POMK: variants seen among roughly 807,000 people sequenced by gnomAD.
POMK encodes protein O-mannose kinase, also known as Sugen kinase 196.
In POMK, 19 loss-of-function variants were observed where a neutral mutation model predicts 23.0. That is an observed-to-expected ratio of 0.83 (90% CI 0.58 to 1.21). The LOEUF (loss-of-function observed/expected upper bound fraction) is 1.21, where lower values mean the gene tolerates loss of function less well. Ranked by LOEUF, POMK falls within the 50% of genes most tolerant of loss-of-function variation. The pLI is 0.00. For missense variants in POMK, 410 were observed against 431.3 expected, an observed-to-expected ratio of 0.95 and a Z score of 0.44; for synonymous variants, 173 against 171.6, an observed-to-expected ratio of 1.01 and a Z score of -0.06.
chr8:43,094,294 C>T (rs1473145286), intron 1 of POMK, among the ~76,000 whole-genome samples: 2 of 152,116 alleles, frequency 1.3e-5, no homozygotes, highest in African/African-American at 4.8e-5. Context: ...GCCTCTGCCT[C>T]CCAAAGTGCT....
chr8:43,105,223 G>A (rs1811522220), intron 4 of POMK, among the ~76,000 whole-genome samples: 1 of 152,146 alleles, frequency 6.6e-6, no homozygotes, highest in African/African-American at 2.4e-5. Context: ...ATTTGAGAGT[G>A]TATAATATAT....
chr8:43,114,630 A>G (rs1186327802), intron 4 of POMK, among the ~76,000 whole-genome samples: 1 of 152,176 alleles, frequency 6.6e-6, no homozygotes, highest in Non-Finnish European at 1.5e-5. Flanking sequence ...TCCTGCACCC[A>G]CTGTCTGGCA....
At chr8:43,119,684 G>T (rs1408481565) in intron 4 of POMK, among the ~76,000 whole-genome samples, 2 of 151,834 alleles carry the variant, frequency 1.3e-5, no homozygotes, top group Non-Finnish European at 1.5e-5. Flanking sequence ...CTCTTGCCTC[G>T]GCTCCCAAAG....
intron 4 of POMK, among the ~76,000 whole-genome samples, chr8:43,107,975 G>A (rs879931397): frequency 7.9e-5 from 12 of 152,180 alleles, no homozygotes; most frequent in African/African-American, 1.2e-4. Flanking sequence ...GAGCCTCTGC[G>A]CCTGGCTAGA....
intron 4 of POMK, among the ~76,000 whole-genome samples, chr8:43,112,465 A>G (rs1416347130): frequency 6.6e-6 from 1 of 152,242 alleles, no homozygotes; most frequent in Non-Finnish European, 1.5e-5. Context: ...GACGGGGAGA[A>G]TGGAACCAAG....
Position 43,106,509 on chromosome 8 carries a change from CT to C in POMK, c.282+2699del, listed in dbSNP as rs1221471764. On this transcript the variant is annotated intron_variant, in intron 4 of 4. Coordinates refer to ENST00000331373, the MANE Select transcript of POMK (RefSeq NM_032237.5). ...TTATAATCCCATTGGTTTACTTTTG[CT>C]TTTTTTTTTTTTTTTTTTTGACTGA... Among the ~76,000 whole-genome samples, 558 of 115,198 alleles carry C rather than the reference CT, an allele frequency of 4.8e-3. 2 individuals are homozygous for C. Among genetic ancestry groups the C allele is most frequent in the Non-Finnish European group, 6.5e-3 (354 of 54,540 alleles). The allele number at this position is 115,198 out of a possible 152,430, so 75.6% of individuals were successfully genotyped here. A position where few individuals can be genotyped will look rare whatever the true frequency, so the allele number is the denominator to read the frequency against.
At chr8:43,119,433 C>CTTTT (rs907663234) in intron 4 of POMK, among the ~76,000 whole-genome samples, 106 of 95,972 alleles carry the variant, frequency 1.1e-3, no homozygotes, top group Non-Finnish European at 1.4e-3. Flanking sequence ...TGAAAAACAG[C>CTTTT]TTTTTTTTTT....
chr8:43,121,794 C>G (rs1811921357), intron 4 of POMK, among the ~76,000 whole-genome samples: 1 of 152,234 alleles, frequency 6.6e-6, no homozygotes, highest in African/African-American at 2.4e-5. Context: ...CTGCAGGTCC[C>G]CCTCGTTCTA....
At chr8:43,115,551 G>C (rs1240059366) in intron 4 of POMK, among the ~76,000 whole-genome samples, 2 of 152,064 alleles carry the variant, frequency 1.3e-5, no homozygotes, top group South Asian at 4.1e-4. Flanking sequence ...TTTTGGAAGA[G>C]ACCTGGAATT....
At chr8:43,122,085 G>A in intron 4 of POMK, 22 bp from the exon 5 acceptor site, 1 of 1,607,954 alleles carries the variant, frequency 6.2e-7, no homozygotes, top group South Asian at 1.1e-5. Flanking sequence ...CAGGCCTGAT[G>A]CTCTCTATGG....
At chr8:43,110,309 C>T (rs1304323692) in intron 4 of POMK, among the ~76,000 whole-genome samples, 1 of 152,206 alleles carries the variant, frequency 6.6e-6, no homozygotes, top group Non-Finnish European at 1.5e-5. Flanking sequence ...GAGCCTAGGA[C>T]ACCAGAAGGT....
In POMK at chr8:43,112,869, G is replaced by A. The variant is rs557595668; in HGVS notation, c.282+9039G>A. ...CTTTACAGACAAGCAAATGCTGAGAGATTTTGTCACCACCAGGCCTGCCCT... is the reference window on the plus strand; with the variant it reads ...CTTTACAGACAAGCAAATGCTGAGAAATTTTGTCACCACCAGGCCTGCCCT... On this transcript the variant is annotated intron_variant, in intron 4 of 4. Transcript: ENST00000331373. Among the ~76,000 whole-genome samples the A allele has an allele frequency of 1.6e-4, 24 of 152,330 alleles. No individual in the cohort carries two copies. The South Asian group carries it at 5.0e-3, about 32-fold the overall frequency.
At chr8:43,093,961 T>A (rs1416866614) in intron 1 of POMK, among the ~76,000 whole-genome samples, 1 of 152,102 alleles carries the variant, frequency 6.6e-6, no homozygotes, top group Non-Finnish European at 1.5e-5. Context: ...CCTATAGTCT[T>A]ATCTACTCCG....
At chr8:43,122,021 C>T (rs1811926689) in intron 4 of POMK, 86 bp from the exon 5 acceptor site, 2 of 1,302,460 alleles carry the variant, frequency 1.5e-6, no homozygotes, top group Non-Finnish European at 2.2e-6. Context: ...CTGCAGAACA[C>T]CTGCCACTTA....
At chr8:43,117,234 AG>A (rs1811819097) in intron 4 of POMK, among the ~76,000 whole-genome samples, 1 of 152,214 alleles carries the variant, frequency 6.6e-6, no homozygotes, top group South Asian at 2.1e-4. Context: ...CAGTTACTTC[AG>A]GCCATCTGGG....
intron 4 of POMK, among the ~76,000 whole-genome samples, chr8:43,104,099 G>T (rs576208272): frequency 1.3e-5 from 2 of 151,992 alleles, no homozygotes; most frequent in South Asian, 4.2e-4. Flanking sequence ...CGTTTTTATT[G>T]TTGAGCTCAA....
intron 4 of POMK, among the ~76,000 whole-genome samples, chr8:43,105,936 C>G (rs1412044183): frequency 1.3e-5 from 2 of 152,214 alleles, no homozygotes; most frequent in Non-Finnish European, 2.9e-5. Context: ...GCTGGGATTA[C>G]AGGCGTGAGC....
chr8:43,103,806 T>C lies in POMK; in HGVS notation c.258T>C (p.Arg86=). 6.2e-7 allele frequency: 1 copy of C among 1,614,158 alleles called. No homozygotes were observed. The highest frequency in any genetic ancestry group is 8.5e-7 in the Non-Finnish European group (1 of 1,180,030). ...ELRTEVRQLK[R]VGEGAVKRVF... is the part of the protein sequence containing the mutation. ...GAACAGAAGTGAGACAGCTGAAGCGTGTTGGGGAAGGAGCTGTAAAGAGAG... is the reference window on the plus strand; with the variant it reads ...GAACAGAAGTGAGACAGCTGAAGCGCGTTGGGGAAGGAGCTGTAAAGAGAG... Residue 86 remains arginine (R), a synonymous_variant, in exon 4 of 5, where the codon CGT becomes CGC. Coordinates refer to ENST00000331373, the MANE Select transcript of POMK (RefSeq NM_032237.5).
intron 4 of POMK, among the ~76,000 whole-genome samples, chr8:43,115,101 G>T (rs1360284957): frequency 6.6e-6 from 1 of 152,190 alleles, no homozygotes; most frequent in Non-Finnish European, 1.5e-5. Flanking sequence ...AGGATCCCTT[G>T]TGATGTCTTA....
Sources: gnomAD v4.1 joint callset for allele counts (sites outside exome capture counted in the v4.1 genomes callset) on GRCh38, gnomAD v4.1.1 for gene constraint, MANE v1.5 for transcripts, NCBI Gene and HGNC (gene_info 2026-07-23, HGNC 2026-07-21) for gene names.